The following ADORA1 variants were observed in gnomAD, a reference collection of about 807,000 sequenced individuals.
ADORA1 encodes adenosine A1 receptor.
ADORA1 carries 6 observed loss-of-function variants against 19.9 expected under a neutral mutation model. The ratio of observed to expected loss-of-function variants is 0.30; its 90% CI spans 0.17 to 0.59. The LOEUF (loss-of-function observed/expected upper bound fraction) is 0.59, where lower values mean the gene tolerates loss of function less well. Among genes scored for constraint, ADORA1 ranks in the 20% least tolerant of loss-of-function variants. ADORA1 has a pLI of 0.87. For missense variants in ADORA1, 302 were observed against 439.2 expected (o/e 0.69, Z 2.79); for synonymous variants, 194 against 188.4 (o/e 1.03, Z -0.24).
chr1:203,164,893 C>A (rs568409188), intron 3 of ADORA1, among the ~76,000 whole-genome samples: 1 of 152,146 alleles, frequency 6.6e-6, no homozygotes, highest in South Asian at 2.1e-4. Context: ...ACTTCCTACG[C>A]GACAAAGGCT....
intron 3 of ADORA1, among the ~76,000 whole-genome samples, chr1:203,135,904 G>A (rs1373515244): frequency 6.6e-6 from 1 of 152,082 alleles, no homozygotes; most frequent in Non-Finnish European, 1.5e-5. Flanking sequence ...GCATTCTTTA[G>A]CCCACTTCCC....
chr1:203,160,848 G>T lies in ADORA1; in HGVS notation c.342-4413G>T, dbSNP rs145021135. On this transcript the variant is annotated intron_variant, in intron 3 of 3. Coordinates refer to ENST00000337894, the MANE Select transcript of ADORA1 (RefSeq NM_000674.3). Reference sequence around the variant, plus strand: ...ATAAATAGTCAGTGCCCAGCACATAGAAATAAATGTTAGCGCTTACCAGCA... The same window carrying T: ...ATAAATAGTCAGTGCCCAGCACATATAAATAAATGTTAGCGCTTACCAGCA... 2.1e-3 allele frequency among the ~76,000 whole-genome samples: 314 copies of T among 152,302 alleles called. 5 individuals are homozygous for T. Among genetic ancestry groups the T allele is most frequent in the East Asian group, 0.018 (92 of 5,182 alleles).
intron 3 of ADORA1, among the ~76,000 whole-genome samples, chr1:203,154,983 G>A (rs1222130930): frequency 6.6e-6 from 1 of 151,580 alleles, no homozygotes; most frequent in Non-Finnish European, 1.5e-5. Context: ...CCCATGGTGT[G>A]TTCACCATCT....
intron 3 of ADORA1, among the ~76,000 whole-genome samples, chr1:203,131,946 G>A (rs1313969678): frequency 6.6e-6 from 1 of 152,188 alleles, no homozygotes; most frequent in Non-Finnish European, 1.5e-5. Flanking sequence ...ACCGAGCACT[G>A]GTGAGGCGTG....
At chr1:203,144,616 C>T (rs1307276015) in intron 3 of ADORA1, 1 of 152,202 alleles carries the variant, frequency 6.6e-6, no homozygotes, top group Non-Finnish European at 1.5e-5. Flanking sequence ...TAATTGAATG[C>T]ATGAATGAAA....
At chr1:203,154,629 C>T (rs1019810514) in intron 3 of ADORA1, among the ~76,000 whole-genome samples, 6 of 152,178 alleles carry the variant, frequency 3.9e-5, no homozygotes, top group Non-Finnish European at 8.8e-5. Flanking sequence ...GCCTAGTACA[C>T]AGCTGGGACA....
intron 3 of ADORA1, among the ~76,000 whole-genome samples, chr1:203,136,460 T>C (rs972524432): frequency 2.0e-5 from 3 of 152,156 alleles, no homozygotes; most frequent in African/African-American, 7.2e-5. Flanking sequence ...AACATCCATT[T>C]ATCTATTTTA....
chr1:203,143,333 C>T (rs761175935), intron 3 of ADORA1, among the ~76,000 whole-genome samples: 66 of 152,198 alleles, frequency 4.3e-4, no homozygotes, highest in Non-Finnish European at 1.2e-4. Context: ...GGGGGGACCC[C>T]TACCTTGATG....
chr1:203,167,112 C>T lies in ADORA1; in HGVS notation c.*1212C>T, dbSNP rs1187757753. ...TTAGGGATCTGGGGAAGGACCAACC[C>T]ATGCCCTGCCAAGCCTGGAGCCCCT... is the stretch of plus-strand genomic sequence containing the variant. On this transcript the variant is annotated 3_prime_UTR_variant, in exon 4 of 4. Coordinates refer to ENST00000337894, the MANE Select transcript of ADORA1 (RefSeq NM_000674.3). 1 of 152,650 alleles carries T rather than the reference C, an allele frequency of 6.6e-6. No homozygotes were observed. The highest frequency in any genetic ancestry group is 2.4e-5 in the African/African-American group (1 of 41,376). 9.5% of individuals were successfully genotyped at this position (152,650 alleles called of 1,614,324 possible).
chr1:203,141,142 C>T (rs1214154621), intron 3 of ADORA1, among the ~76,000 whole-genome samples: 1 of 152,258 alleles, frequency 6.6e-6, no homozygotes, highest in Admixed American at 6.5e-5. Flanking sequence ...GCCCTGATGG[C>T]AGAGCAGGTG....
chr1:203,155,849 A>G (rs1373341945), intron 3 of ADORA1, among the ~76,000 whole-genome samples: 1 of 152,248 alleles, frequency 6.6e-6, no homozygotes. Context: ...CTCCCAGCAC[A>G]GCAGGGAATA....
intron 3 of ADORA1, among the ~76,000 whole-genome samples, chr1:203,148,761 G>A (rs543924259): frequency 6.6e-6 from 1 of 152,310 alleles, no homozygotes; most frequent in South Asian, 2.1e-4. Context: ...CTCTATGCCT[G>A]TTCCCCCACG....
chr1:203,132,269 C>T (rs1435541412), intron 3 of ADORA1, among the ~76,000 whole-genome samples: 1 of 152,162 alleles, frequency 6.6e-6, no homozygotes, highest in African/African-American at 2.4e-5. Flanking sequence ...CTTAACCCCT[C>T]ACCCAGAGCT....
chr1:203,136,883 CA>C (rs1168093681), intron 3 of ADORA1, among the ~76,000 whole-genome samples: 3 of 152,186 alleles, frequency 2.0e-5, no homozygotes, highest in Admixed American at 6.5e-5. Flanking sequence ...ATTTATTCAA[CA>C]AATACTTATT....
chr1:203,156,177 T>G (rs1323399916), intron 3 of ADORA1, among the ~76,000 whole-genome samples: 2 of 152,064 alleles, frequency 1.3e-5, no homozygotes, highest in African/African-American at 4.8e-5. Context: ...ACTGGAGCAC[T>G]GGAGAGAAAC....
chr1:203,129,395 C>G, intron 3 of ADORA1: 1 of 663,898 alleles, frequency 1.5e-6, no homozygotes, highest in Non-Finnish European at 1.9e-6. Flanking sequence ...GTACTGTGAA[C>G]TTACCAGTGC....
At chr1:203,133,402 ACCT>A (rs1654405890) in intron 3 of ADORA1, among the ~76,000 whole-genome samples, 1 of 152,126 alleles carries the variant, frequency 6.6e-6, no homozygotes, top group African/African-American at 2.4e-5. Flanking sequence ...GGCGTGAGCC[ACCT>A]CGCCTGGCCT....
intron 3 of ADORA1, among the ~76,000 whole-genome samples, chr1:203,155,271 A>G (rs1181436275): frequency 6.6e-6 from 1 of 152,044 alleles, no homozygotes; most frequent in African/African-American, 2.4e-5. Flanking sequence ...CGAACTCCTG[A>G]CCTCAAGTGA....
chr1:203,160,320 A>G (rs1226184323), intron 3 of ADORA1, among the ~76,000 whole-genome samples: 2 of 152,192 alleles, frequency 1.3e-5, no homozygotes, highest in Admixed American at 6.5e-5. Flanking sequence ...TATTTGCATT[A>G]TACCCGCTGG....
Sources: gnomAD v4.1 joint callset for allele counts (sites outside exome capture counted in the v4.1 genomes callset) on GRCh38, gnomAD v4.1.1 for gene constraint, MANE v1.5 for transcripts, NCBI Gene and HGNC (gene_info 2026-07-23, HGNC 2026-07-21) for gene names.